Variants in ENOX1 observed in about 807,000 individuals in gnomAD.
The protein encoded by ENOX1 is candidate growth-related and time keeping constitutive hydroquinone (NADH) oxidase.
In ENOX1, 42 loss-of-function variants were observed where a neutral mutation model predicts 82.5. The ratio of observed to expected loss-of-function variants is 0.51; its 90% CI spans 0.40 to 0.66. The LOEUF (loss-of-function observed/expected upper bound fraction) is 0.66, where lower values mean the gene tolerates loss of function less well. ENOX1 is among the 30% of genes least tolerant of loss of function. The pLI, the probability that ENOX1 is intolerant of heterozygous loss-of-function variation, is 0.00. For synonymous variants in ENOX1, 271 were observed against 282.2 expected (o/e 0.96, Z 0.40); for missense variants, 608 against 811.6 (o/e 0.75, Z 3.05).
chr13:43,533,961 A>T (rs778834739), intron 2 of ENOX1, among the ~76,000 whole-genome samples: 7 of 152,172 alleles, frequency 4.6e-5, no homozygotes, highest in Non-Finnish European at 8.8e-5. Context: ...TAAGGTTCTC[A>T]AACTGTGAAC....
Position 43,586,908 on chromosome 13 carries a change from C to CA in ENOX1, c.-219+80570dup, listed in dbSNP as rs34012725. ...TGAAACCCTGTCTCTACTAAAAATA[C>CA]AAAAAAAAAAAAAAATTTAGCTGGG... On this transcript the variant is annotated intron_variant, in intron 2 of 16. Transcript: ENST00000690772. 9.3e-3 allele frequency among the ~76,000 whole-genome samples: 1,359 copies of CA among 145,976 alleles called. 58 individuals carry two copies. The highest frequency in any genetic ancestry group is 0.071 in the Admixed American group (1,049 of 14,732).
At chr13:43,685,350 G>A (rs771493546) in intron 1 of ENOX1, among the ~76,000 whole-genome samples, 8 of 152,152 alleles carry the variant, frequency 5.3e-5, no homozygotes, top group East Asian at 1.9e-4. Flanking sequence ...TGCTAACAAG[G>A]CCTCTGTGTA....
At chr13:43,644,959 A>C (rs1474471796) in intron 2 of ENOX1, among the ~76,000 whole-genome samples, 1 of 152,194 alleles carries the variant, frequency 6.6e-6, no homozygotes, top group Non-Finnish European at 1.5e-5. Flanking sequence ...TCAATTTGTC[A>C]CTGACCACAC....
rs796416703 is a variant in ENOX1 at position 43,335,955 on chromosome 13, T to A, written c.1036+8583A>T. Among the ~76,000 whole-genome samples the A allele has an allele frequency of 3.8e-4, 58 of 152,278 alleles. 1 individual carries two copies. Among genetic ancestry groups the A allele is most frequent in the African/African-American group, 1.4e-3 (57 of 41,556 alleles). ...GAGACCAAAGAGGTATTTTTTTAAA[T>A]GGAAATAATGTTTCCAGCACTTAAT... On this transcript the variant is annotated intron_variant, in intron 9 of 16. Coordinates refer to ENST00000690772, the MANE Select transcript of ENOX1 (RefSeq NM_001347969.2).
At chr13:43,365,452 G>A (rs2050787044) in intron 5 of ENOX1, among the ~76,000 whole-genome samples, 1 of 152,180 alleles carries the variant, frequency 6.6e-6, no homozygotes, top group African/African-American at 2.4e-5. Flanking sequence ...CTGACAAAGT[G>A]GCTGAACACA....
intron 8 of ENOX1, among the ~76,000 whole-genome samples, chr13:43,352,984 C>T (rs921588672): frequency 1.3e-5 from 2 of 152,222 alleles, no homozygotes; most frequent in Non-Finnish European, 2.9e-5. Context: ...TCACTCAAGA[C>T]ACCTAAACTC....
At chr13:43,430,184 A>C (rs2055573544) in intron 3 of ENOX1, among the ~76,000 whole-genome samples, 1 of 152,226 alleles carries the variant, frequency 6.6e-6, no homozygotes, top group Admixed American at 6.5e-5. Flanking sequence ...ATGTGGATGA[A>C]GAAGTGTGAG....
At chr13:43,225,696 C>G (rs1270607606) in intron 15 of ENOX1, among the ~76,000 whole-genome samples, 1 of 152,052 alleles carries the variant, frequency 6.6e-6, no homozygotes, top group African/African-American at 2.4e-5. Flanking sequence ...GGATGAGTGT[C>G]AAGTTTTTAA....
At chr13:43,780,148 G>A (rs532717028) in intron 1 of ENOX1, among the ~76,000 whole-genome samples, 10 of 148,774 alleles carry the variant, frequency 6.7e-5, no homozygotes, top group East Asian at 5.9e-4. Context: ...GCGACAGAGC[G>A]AGACTCTGTC....
chr13:43,214,028 A>G lies in ENOX1; in HGVS notation c.1894T>C (p.Trp632Arg). The change falls in exon 17 of 17, where the codon TGG (tryptophan) becomes CGG (arginine). Residue 632 changes from tryptophan to arginine, a missense_variant. By Grantham distance (101) the Trp-to-Arg change is moderately radical. Coordinates refer to ENST00000690772, the MANE Select transcript of ENOX1 (RefSeq NM_001347969.2). ...TGVGATLEKR[W>R]KLCAFEGIKT... is the part of the protein sequence containing the mutation. Reference sequence around the variant, plus strand: ...ATTCCTTCAAAGGCACACAGCTTCCATCTTTTTTCCAGCGTGGCTCCCACA... The same window carrying G: ...ATTCCTTCAAAGGCACACAGCTTCCGTCTTTTTTCCAGCGTGGCTCCCACA... 1 of 1,613,988 alleles carries G rather than the reference A, an allele frequency of 6.2e-7. No homozygotes were observed. The highest frequency in any genetic ancestry group is 8.5e-7 in the Non-Finnish European group (1 of 1,179,912).
chr13:43,768,808 T>C (rs1002983949), intron 1 of ENOX1, among the ~76,000 whole-genome samples: 5 of 152,328 alleles, frequency 3.3e-5, no homozygotes, highest in Admixed American at 6.5e-5. Context: ...AGTAAGCCTG[T>C]TCACTTTGTC....
At chr13:43,667,252 T>C (rs1010610691) in intron 2 of ENOX1, among the ~76,000 whole-genome samples, 12 of 152,290 alleles carry the variant, frequency 7.9e-5, no homozygotes, top group African/African-American at 2.9e-4. Context: ...AAGTGACCAG[T>C]CCTATTTCCT....
intron 2 of ENOX1, among the ~76,000 whole-genome samples, chr13:43,630,874 CATATATAT>C (rs375643872): frequency 6.9e-6 from 1 of 144,558 alleles, no homozygotes; most frequent in African/African-American, 2.5e-5. Flanking sequence ...CACACACACA[CATATATAT>C]ACACATATAT....
At chr13:43,525,984 A>G (rs893618574) in intron 2 of ENOX1, among the ~76,000 whole-genome samples, 1 of 152,266 alleles carries the variant, frequency 6.6e-6, no homozygotes, top group Admixed American at 6.5e-5. Flanking sequence ...CTCTTAATCT[A>G]TCCATAACGG....
intron 3 of ENOX1, among the ~76,000 whole-genome samples, chr13:43,482,097 T>G (rs1334566046): frequency 6.6e-6 from 1 of 152,080 alleles, no homozygotes; most frequent in Non-Finnish European, 1.5e-5. Flanking sequence ...CCTCCACAAA[T>G]TAAAAATAGA....
intron 2 of ENOX1, among the ~76,000 whole-genome samples, chr13:43,630,303 G>A (rs1454384608): frequency 6.6e-6 from 1 of 152,146 alleles, no homozygotes; most frequent in Non-Finnish European, 1.5e-5. Flanking sequence ...TCGCTGTTTA[G>A]TCCCTCACAC....
chr13:43,704,471 A>T (rs554615825), intron 1 of ENOX1, among the ~76,000 whole-genome samples: 2 of 152,244 alleles, frequency 1.3e-5, no homozygotes, highest in East Asian at 3.9e-4. Context: ...TGAAAGAAAA[A>T]AAAACAACAC....
At chr13:43,438,649 G>A (rs2056175335) in intron 3 of ENOX1, among the ~76,000 whole-genome samples, 1 of 152,154 alleles carries the variant, frequency 6.6e-6, no homozygotes. Flanking sequence ...ATGGCTATTT[G>A]CTTCCCTCAG....
chr13:43,549,108 T>G (rs896549063), intron 2 of ENOX1, among the ~76,000 whole-genome samples: 1 of 152,230 alleles, frequency 6.6e-6, no homozygotes, highest in African/African-American at 2.4e-5. Flanking sequence ...AAAAGACATT[T>G]TATCCTTGCC....
Sources: allele counts gnomAD v4.1 joint callset (sites outside exome capture counted in the v4.1 genomes callset), GRCh38; gene constraint gnomAD v4.1.1; transcripts MANE v1.5; gene names NCBI Gene and HGNC (gene_info 2026-07-23, HGNC 2026-07-21).